The following FBXL20 variants were observed in gnomAD, a reference collection of about 807,000 sequenced individuals.
FBXL20 encodes the protein F-box/LRR-repeat protein 20.
Under a neutral mutation model 64.0 loss-of-function variants are expected in FBXL20, and 11 were observed. The ratio of observed to expected loss-of-function variants is 0.17; its 90% CI spans 0.11 to 0.28. FBXL20 has a LOEUF of 0.28. FBXL20 is among the 10% of genes least tolerant of loss of function. FBXL20 has a pLI of 1.00. For synonymous variants in FBXL20, 184 were observed against 189.0 expected (o/e 0.97, Z 0.22); for missense variants, 303 against 526.2 (o/e 0.58, Z 4.15).
At chr17:39,264,133 G>A (rs1370451631) in intron 14 of FBXL20, 42 bp downstream of exon 14, 20 of 1,567,772 alleles carry the variant, frequency 1.3e-5, no homozygotes, top group Non-Finnish European at 1.7e-5. Flanking sequence ...AGAAGAAAGT[G>A]CTGCTAACAC....
chr17:39,369,837 T>C (rs1597825183), intron 1 of FBXL20, among the ~76,000 whole-genome samples: 1 of 152,298 alleles, frequency 6.6e-6, no homozygotes, highest in Middle Eastern at 3.4e-3. Flanking sequence ...GCTCTCGCCA[T>C]GTTGCCCAGA....
chr17:39,285,506 T>A lies in FBXL20; in HGVS notation c.466A>T (p.Ile156Leu), dbSNP rs752312463. Residue 156 changes from isoleucine to leucine, a missense_variant, in exon 7 of 15, where the codon ATA (isoleucine) becomes TTA (leucine). This residue lies in a region of FBXL20 where 246 missense variants were observed against 422.6 expected (regional missense o/e 0.58). Transcript: ENST00000264658. ...AGAGCTTTTAGAGACATGTTTGTTA[T>A]TGATGTACAGGAAGCCAAGTCAAGG... ...RHLDLASCTS[I>L]TNMSLKALSE... 15 of 1,603,420 alleles carry A rather than the reference T, an allele frequency of 9.4e-6. No individual in the cohort carries two copies. Among genetic ancestry groups the A allele is most frequent in the Non-Finnish European group, 1.3e-5 (15 of 1,174,606 alleles).
intron 4 of FBXL20, among the ~76,000 whole-genome samples, chr17:39,299,288 T>C (rs1002405024): frequency 2.0e-5 from 3 of 152,144 alleles, no homozygotes; most frequent in East Asian, 3.8e-4. Context: ...TATTCTTATT[T>C]TGTTTAACTT....
intron 1 of FBXL20, among the ~76,000 whole-genome samples, chr17:39,379,624 A>T (rs1279574574): frequency 2.0e-5 from 3 of 151,608 alleles, no homozygotes. Context: ...TACTAAAAAT[A>T]AAAAAAATTA....
chr17:39,261,646 C>T (rs2046746339), intron 14 of FBXL20, 79 bp from the exon 15 acceptor site: 4 of 1,047,210 alleles, frequency 3.8e-6, no homozygotes, highest in East Asian at 2.4e-5. Flanking sequence ...GAAAAACTAC[C>T]GAGGGGCTCA....
intron 12 of FBXL20, 139 bp from the exon 13 acceptor site, chr17:39,265,592 A>G: frequency 3.9e-6 from 2 of 509,560 alleles, no homozygotes; most frequent in Non-Finnish European, 6.6e-6. Context: ...CTGCAGCCTA[A>G]AACTTCTGGG....
At chr17:39,384,354 G>A (rs1322008796) in intron 1 of FBXL20, among the ~76,000 whole-genome samples, 1 of 151,888 alleles carries the variant, frequency 6.6e-6, no homozygotes, top group South Asian at 2.1e-4. Context: ...GTGAAACCCC[G>A]TCTCTATTAA....
chr17:39,276,322 A>T (rs887583164), intron 9 of FBXL20, among the ~76,000 whole-genome samples: 8 of 150,928 alleles, frequency 5.3e-5, no homozygotes, highest in Middle Eastern at 3.5e-3. Flanking sequence ...AAGAAAGAAA[A>T]GAAAGGGAAG....
intron 1 of FBXL20, among the ~76,000 whole-genome samples, chr17:39,348,112 G>GTC (rs1488089310): frequency 3.4e-5 from 5 of 146,816 alleles, no homozygotes; most frequent in African/African-American, 7.8e-5. Context: ...TAGAGAGAGA[G>GTC]TCTCGCAGGG....
chr17:39,273,750 A>T (rs1488119162), intron 10 of FBXL20, among the ~76,000 whole-genome samples: 3 of 150,762 alleles, frequency 2.0e-5, no homozygotes, highest in East Asian at 3.9e-4. Context: ...AACCCAGGAG[A>T]CGGAGGTTGC....
chr17:39,386,545 A>G lies in FBXL20; in HGVS notation c.42+14816T>C, dbSNP rs1202916390. Among the ~76,000 whole-genome samples the G allele has an allele frequency of 2.6e-5, 4 of 151,354 alleles. No homozygotes were observed. In the East Asian group the frequency reaches 7.8e-4, roughly 29 times the overall value. Reference sequence around the variant, plus strand: ...AGGCTGAGGCACAAAAATCGCTTGAACCCGGGAGGCGGAGGTTGCAGTGAG... The same window carrying G: ...AGGCTGAGGCACAAAAATCGCTTGAGCCCGGGAGGCGGAGGTTGCAGTGAG... On this transcript the variant is annotated intron_variant, in intron 1 of 14. Transcript: ENST00000264658.
At chr17:39,281,720 T>C (rs1323850277) in intron 8 of FBXL20, among the ~76,000 whole-genome samples, 3 of 152,232 alleles carry the variant, frequency 2.0e-5, no homozygotes, top group Non-Finnish European at 2.9e-5. Context: ...AAACACTGCC[T>C]AGTTTTTATG....
upstream of FBXL20, chr17:39,401,785 C>T (rs907971678): frequency 4.2e-6 from 4 of 958,988 alleles, no homozygotes; most frequent in Non-Finnish European, 5.1e-6. Flanking sequence ...CTCCCCCACA[C>T]GGGGCCGGCC....
chr17:39,317,689 G>GTTTT (rs756785816), intron 2 of FBXL20, among the ~76,000 whole-genome samples: 12 of 47,144 alleles, frequency 2.5e-4, no homozygotes, highest in African/African-American at 5.9e-4. Context: ...TTTTTTTTTT[G>GTTTT]TTTTTTTTTT....
chr17:39,394,588 G>A (rs954807857), intron 1 of FBXL20, among the ~76,000 whole-genome samples: 57 of 147,348 alleles, frequency 3.9e-4, no homozygotes, highest in Admixed American at 1.4e-3. Context: ...TTTTTAAGAC[G>A]GAGTCTCATT....
chr17:39,335,157 T>G (rs2047508188), intron 2 of FBXL20, among the ~76,000 whole-genome samples: 1 of 152,182 alleles, frequency 6.6e-6, no homozygotes, highest in Non-Finnish European at 1.5e-5. Flanking sequence ...GTAAAACATG[T>G]TGTTCCTTAA....
intron 14 of FBXL20, among the ~76,000 whole-genome samples, chr17:39,262,755 T>C (rs953547146): frequency 6.6e-6 from 1 of 151,938 alleles, no homozygotes; most frequent in Non-Finnish European, 1.5e-5. Context: ...TCCCAGCACT[T>C]TGGGAGGCTG....
At position 39,253,129 on chromosome 17, in the gene FBXL20, G is replaced by C. The variant is rs976247988; in HGVS notation, c.*8331C>G. 1 of 152,574 alleles carries C rather than the reference G, an allele frequency of 6.6e-6. No individual in the cohort carries two copies. Among genetic ancestry groups the C allele is most frequent in the African/African-American group, 2.4e-5 (1 of 41,398 alleles). The allele number at this position is 152,574 out of a possible 1,614,324, so 9.5% of individuals were successfully genotyped here. On this transcript the variant is annotated 3_prime_UTR_variant, in exon 15 of 15. Coordinates refer to ENST00000264658, the MANE Select transcript of FBXL20 (RefSeq NM_032875.3). ...CCCTCAGGGGAGTGAGTGGGGGTGC[G>C]GGGTGCAGGGATGAAACAGAGCCTG... is the stretch of plus-strand genomic sequence containing the variant.
chr17:39,288,020 G>A (rs1446988901), intron 6 of FBXL20, among the ~76,000 whole-genome samples: 1 of 144,618 alleles, frequency 6.9e-6, no homozygotes, highest in Non-Finnish European at 1.5e-5. Context: ...CTGGAGTGCA[G>A]TGGCATGATC....
Sources: allele counts gnomAD v4.1 joint callset (sites outside exome capture counted in the v4.1 genomes callset), GRCh38; gene constraint gnomAD v4.1.1; regional missense constraint gnomAD v4.1.1; transcripts MANE v1.5; gene names NCBI Gene and HGNC (gene_info 2026-07-23, HGNC 2026-07-21).